The following SFMBT2 variants were observed in gnomAD, a reference collection of about 807,000 sequenced individuals.
SFMBT2 encodes Scm like with four mbt domains 2.
SFMBT2 carries 38 observed loss-of-function variants against 110.1 expected under a neutral mutation model. That is an observed-to-expected ratio of 0.35 (90% CI 0.27 to 0.45). The LOEUF (loss-of-function observed/expected upper bound fraction) is 0.45. Ranked by LOEUF, SFMBT2 falls within the 20% of genes least tolerant of loss-of-function variation. SFMBT2 has a pLI of 1.00. For synonymous variants in SFMBT2, 425 were observed against 425.4 expected, an observed-to-expected ratio of 1.00 and a Z score of 0.01; for missense variants, 1,011 against 1,094.9, an observed-to-expected ratio of 0.92 and a Z score of 1.08.
chr10:7,352,247 G>A (rs1448775826), intron 4 of SFMBT2, among the ~76,000 whole-genome samples: 8 of 152,176 alleles, frequency 5.3e-5, no homozygotes, highest in East Asian at 1.9e-4. Context: ...CAGAAGGGAC[G>A]CTCCAGGTGC....
intron 14 of SFMBT2, among the ~76,000 whole-genome samples, chr10:7,200,012 G>A (rs566513682): frequency 1.3e-5 from 2 of 152,170 alleles, no homozygotes; most frequent in Admixed American, 6.5e-5. Context: ...AAAGCTCGGG[G>A]CGACTTAAAT....
At chr10:7,200,986 GT>G in intron 13 of SFMBT2, 1 of 255,476 alleles carries the variant, frequency 3.9e-6, no homozygotes, top group Non-Finnish European at 6.1e-6. Context: ...ATCTTAAAAT[GT>G]AACATAGGCT....
chr10:7,292,903 G>A (rs1415322856), intron 4 of SFMBT2, among the ~76,000 whole-genome samples: 1 of 151,976 alleles, frequency 6.6e-6, no homozygotes, highest in Non-Finnish European at 1.5e-5. Flanking sequence ...TGAGGCAGGA[G>A]AATTGCTTGA....
rs546282685 is a variant in SFMBT2, at chr10:7,340,052, G to A, written c.436+27597C>T. Among the ~76,000 whole-genome samples, 16 of 152,302 alleles carry A rather than the reference G, an allele frequency of 1.1e-4. No individual in the cohort carries two copies. The South Asian group carries it at 3.1e-3, about 30-fold the overall frequency. ...GAGTGTGCAAGTGAAAGCCATGCAG[G>A]TTCCTGAGACAGCCACAGTCGGTGG... On this transcript the variant is annotated intron_variant, in intron 4 of 20. Coordinates refer to ENST00000397167, the MANE Select transcript of SFMBT2 (RefSeq NM_001387889.1).
chr10:7,196,887 G>A (rs1489627777), intron 15 of SFMBT2, among the ~76,000 whole-genome samples: 2 of 152,172 alleles, frequency 1.3e-5, no homozygotes, highest in Non-Finnish European at 2.9e-5. Context: ...AAAATGCAAT[G>A]GAGAAGAAGC....
chr10:7,296,133 GA>G (rs1842402266), intron 4 of SFMBT2, among the ~76,000 whole-genome samples: 1 of 152,136 alleles, frequency 6.6e-6, no homozygotes, highest in African/African-American at 2.4e-5. Context: ...ACTGGCTAAA[GA>G]ATTTTACCCA....
intron 4 of SFMBT2, among the ~76,000 whole-genome samples, chr10:7,306,044 G>A (rs1283538907): frequency 1.3e-5 from 2 of 152,168 alleles, no homozygotes; most frequent in Non-Finnish European, 1.5e-5. Flanking sequence ...AAATGGACTC[G>A]TTTTCCAACT....
chr10:7,172,996 C>A lies in SFMBT2; in HGVS notation c.1985-335G>T, dbSNP rs570872852. ...AGGTCCTAAGAGTGTCCAGGAGAGACACCAAGGACCCAAGACCCAAAGGAG... is the reference window on the plus strand; with the variant it reads ...AGGTCCTAAGAGTGTCCAGGAGAGAAACCAAGGACCCAAGACCCAAAGGAG... On this transcript the variant is annotated intron_variant, in intron 17 of 20. Transcript: ENST00000397167. This position sits in a 1 kb window ranked among gnomAD's most constrained non-coding sequence, Gnocchi z 4.6. 6.6e-6 allele frequency among the ~76,000 whole-genome samples: 1 copy of A among 152,254 alleles called. No individual in the cohort carries two copies. Among genetic ancestry groups the A allele is most frequent in the Non-Finnish European group, 1.5e-5 (1 of 68,010 alleles).
chr10:7,310,295 G>T (rs902131374), intron 4 of SFMBT2, among the ~76,000 whole-genome samples: 3 of 152,170 alleles, frequency 2.0e-5, no homozygotes, highest in African/African-American at 7.2e-5. Context: ...CCAGAACAAG[G>T]TGCAAAACCG....
At chr10:7,335,188 G>A (rs907247483) in intron 4 of SFMBT2, among the ~76,000 whole-genome samples, 3 of 152,156 alleles carry the variant, frequency 2.0e-5, no homozygotes, top group Non-Finnish European at 2.9e-5. Context: ...GTTTCCAATG[G>A]GGGAGAGGAA....
chr10:7,376,205 A>G (rs1845204499), intron 2 of SFMBT2, among the ~76,000 whole-genome samples: 1 of 152,074 alleles, frequency 6.6e-6, no homozygotes. Context: ...CCAGCATTGG[A>G]ATTTCCGCAC....
At chr10:7,407,423 G>C (rs954757156) in intron 1 of SFMBT2, among the ~76,000 whole-genome samples, 1 of 152,110 alleles carries the variant, frequency 6.6e-6, no homozygotes, top group Non-Finnish European at 1.5e-5. Context: ...AGCGGCAACC[G>C]AGCCAGATCC....
At chr10:7,298,402 G>A (rs1248668095) in intron 4 of SFMBT2, among the ~76,000 whole-genome samples, 1 of 152,156 alleles carries the variant, frequency 6.6e-6, no homozygotes, top group Non-Finnish European at 1.5e-5. Context: ...GTGAACTGCT[G>A]GAATGTCACT....
At chr10:7,252,085 T>C (rs909299465) in intron 7 of SFMBT2, among the ~76,000 whole-genome samples, 1 of 152,248 alleles carries the variant, frequency 6.6e-6, no homozygotes. Flanking sequence ...CCCATAACCC[T>C]AAGCCCTTTC....
At chr10:7,250,110 CTTTAA>C (rs1166821695) in intron 7 of SFMBT2, among the ~76,000 whole-genome samples, 7 of 152,146 alleles carry the variant, frequency 4.6e-5, no homozygotes, top group East Asian at 3.9e-4. Context: ...CAAACAAAGC[CTTTAA>C]TTTATTTATT....
intron 16 of SFMBT2, among the ~76,000 whole-genome samples, chr10:7,179,676 C>T (rs577765121): frequency 6.6e-6 from 1 of 152,318 alleles, no homozygotes; most frequent in South Asian, 2.1e-4. Flanking sequence ...AACTGCAGAA[C>T]AAGGCTCAAA....
chr10:7,263,927 G>A (rs780197550), intron 7 of SFMBT2: 6 of 172,462 alleles, frequency 3.5e-5, no homozygotes, highest in Non-Finnish European at 5.8e-5. Context: ...CTAGGTCTCC[G>A]ATGCTAAAAT....
chr10:7,286,799 A>C (rs1049900781), intron 4 of SFMBT2, among the ~76,000 whole-genome samples: 1 of 152,158 alleles, frequency 6.6e-6, no homozygotes, highest in Non-Finnish European at 1.5e-5. Flanking sequence ...CTGCACTGCA[A>C]ATGGTCACAC....
intron 9 of SFMBT2, among the ~76,000 whole-genome samples, chr10:7,236,850 A>G (rs1039337445): frequency 2.6e-5 from 4 of 152,252 alleles, no homozygotes; most frequent in Non-Finnish European, 5.9e-5. Flanking sequence ...AGACTAGGTT[A>G]TCATATGTGT....
Sources: allele counts gnomAD v4.1 joint callset (sites outside exome capture counted in the v4.1 genomes callset), GRCh38; gene constraint gnomAD v4.1.1; non-coding constraint Gnocchi (gnomAD v3.1); transcripts MANE v1.5; gene names NCBI Gene and HGNC (gene_info 2026-07-23, HGNC 2026-07-21).